The following NALF1 variants were observed in gnomAD, a reference collection of about 807,000 sequenced individuals.
NALF1 encodes family with sequence similarity 155 member A.
Under a neutral mutation model 48.4 loss-of-function variants are expected in NALF1, and 3 were observed. The ratio of observed to expected loss-of-function variants is 0.06; its 90% CI spans 0.03 to 0.16. The LOEUF is 0.16. Ranked by LOEUF, NALF1 falls within the 10% of genes least tolerant of loss-of-function variation. NALF1 has a pLI of 1.00. For synonymous variants in NALF1, 262 were observed against 245.7 expected, an observed-to-expected ratio of 1.07 and a Z score of -0.62; for missense variants, 526 against 571.5, an observed-to-expected ratio of 0.92 and a Z score of 0.81.
At chr13:107,854,524 A>G (rs1880395049) in intron 1 of NALF1, among the ~76,000 whole-genome samples, 1 of 152,248 alleles carries the variant, frequency 6.6e-6, no homozygotes, top group South Asian at 2.1e-4. Flanking sequence ...CTCTGCAGCT[A>G]TCTAGGGTCA....
intron 1 of NALF1, among the ~76,000 whole-genome samples, chr13:107,647,719 A>G (rs928875479): frequency 2.0e-5 from 3 of 152,090 alleles, no homozygotes; most frequent in African/African-American, 4.8e-5. Context: ...AAAATGTAAA[A>G]AGGAATTACT....
Position 107,641,394 on chromosome 13 carries a change from A to G in NALF1, c.915+224288T>C, listed in dbSNP as rs1880151188. ...ATTTGTTGCTTATTTCAAAATAGCT[A>G]AAGGTTAAGAATTTGAATGTTCCCA... On this transcript the variant is annotated intron_variant, in intron 1 of 2. Coordinates refer to ENST00000375915, the MANE Select transcript of NALF1 (RefSeq NM_001080396.3). 2.6e-5 allele frequency among the ~76,000 whole-genome samples: 4 copies of G among 152,204 alleles called. No homozygotes were observed. The South Asian group carries it at 6.2e-4, about 24-fold the overall frequency.
chr13:107,312,783 T>C (rs1882072926), intron 1 of NALF1, among the ~76,000 whole-genome samples: 1 of 152,148 alleles, frequency 6.6e-6, no homozygotes, highest in Admixed American at 6.6e-5. Flanking sequence ...TTAACTCAAG[T>C]TAATGGCCAC....
rs1224885161 is a variant in NALF1 at position 107,275,470 on chromosome 13, C to A, written c.916-64715G>T. Among the ~76,000 whole-genome samples the A allele has an allele frequency of 2.0e-5, 3 of 152,212 alleles. No homozygotes were observed. In the South Asian group the frequency reaches 6.2e-4, roughly 32 times the overall value. On this transcript the variant is annotated intron_variant, in intron 1 of 2. Transcript: ENST00000375915. ...TCAACCTTGAGAGCCTGTATGGACCCTCACCCAATTATTAGGTAATATATT... is the reference window on the plus strand; with the variant it reads ...TCAACCTTGAGAGCCTGTATGGACCATCACCCAATTATTAGGTAATATATT...
chr13:107,755,341 A>G (rs1877064097), intron 1 of NALF1, among the ~76,000 whole-genome samples: 1 of 151,898 alleles, frequency 6.6e-6, no homozygotes, highest in Admixed American at 6.6e-5. Flanking sequence ...TTTCTTCTTC[A>G]GGCCTCTTAA....
chr13:107,495,066 A>G (rs941553986), intron 1 of NALF1, among the ~76,000 whole-genome samples: 3 of 152,240 alleles, frequency 2.0e-5, no homozygotes, highest in Non-Finnish European at 2.9e-5. Context: ...AAATGGATAC[A>G]TCATCATATC....
intron 1 of NALF1, among the ~76,000 whole-genome samples, chr13:107,785,084 A>G (rs1878032929): frequency 6.6e-6 from 1 of 151,992 alleles, no homozygotes; most frequent in Non-Finnish European, 1.5e-5. Flanking sequence ...GTGTATGTAT[A>G]TATACACACA....
At chr13:107,610,200 A>C (rs1057487978) in intron 1 of NALF1, among the ~76,000 whole-genome samples, 1 of 152,212 alleles carries the variant, frequency 6.6e-6, no homozygotes, top group African/African-American at 2.4e-5. Flanking sequence ...GCACCTGGGC[A>C]GTATCTAATG....
intron 1 of NALF1, among the ~76,000 whole-genome samples, chr13:107,419,334 C>T (rs1223781740): frequency 2.6e-5 from 4 of 152,108 alleles, no homozygotes; most frequent in African/African-American, 9.7e-5. Context: ...GTTGGGTGTA[C>T]CATATGTGCC....
chr13:107,619,842 G>A (rs1187113787), intron 1 of NALF1, among the ~76,000 whole-genome samples: 1 of 152,058 alleles, frequency 6.6e-6, no homozygotes, highest in African/African-American at 2.4e-5. Context: ...CATATGATAC[G>A]ATTTAGCCAA....
chr13:107,270,624 A>G (rs192282038), intron 1 of NALF1, among the ~76,000 whole-genome samples: 183 of 149,660 alleles, frequency 1.2e-3, no homozygotes, highest in Middle Eastern at 7.2e-3. Context: ...GGATAAAAAT[A>G]AGGAAAACTG....
chr13:107,378,177 T>G (rs1883372224), intron 1 of NALF1, among the ~76,000 whole-genome samples: 2 of 152,148 alleles, frequency 1.3e-5, no homozygotes, highest in South Asian at 4.1e-4. Flanking sequence ...TATTTTACAT[T>G]CTGTATGATG....
At chr13:107,674,399 G>A (rs3909011) in intron 1 of NALF1, among the ~76,000 whole-genome samples, 36,733 of 152,030 alleles carry the variant, frequency 0.24, 4,974 homozygotes, top group Non-Finnish European at 0.3. Flanking sequence ...CTTAGCCCTC[G>A]CTGGATCACT....
intron 1 of NALF1, among the ~76,000 whole-genome samples, chr13:107,305,377 C>T (rs1881915014): frequency 6.6e-6 from 1 of 152,206 alleles, no homozygotes; most frequent in Non-Finnish European, 1.5e-5. Context: ...ATGCTGATTG[C>T]TTACGCAATA....
chr13:107,392,353 C>T (rs572537143), intron 1 of NALF1, among the ~76,000 whole-genome samples: 81 of 152,128 alleles, frequency 5.3e-4, no homozygotes, highest in Non-Finnish European at 9.8e-4. Flanking sequence ...TCCCAGGAAA[C>T]AGGAAGCTCC....
At chr13:107,500,834 C>T (rs1240539307) in intron 1 of NALF1, among the ~76,000 whole-genome samples, 2 of 151,874 alleles carry the variant, frequency 1.3e-5, no homozygotes, top group African/African-American at 4.8e-5. Context: ...AATCATCATT[C>T]TCAGCAAACT....
At chr13:107,294,174 T>C (rs1409936220) in intron 1 of NALF1, among the ~76,000 whole-genome samples, 2 of 152,098 alleles carry the variant, frequency 1.3e-5, no homozygotes, top group Non-Finnish European at 2.9e-5. Flanking sequence ...TCAAGGAACA[T>C]AGGGAAAGGA....
At chr13:107,505,464 A>T (rs1875666086) in intron 1 of NALF1, among the ~76,000 whole-genome samples, 2 of 152,284 alleles carry the variant, frequency 1.3e-5, no homozygotes, top group South Asian at 4.1e-4. Flanking sequence ...ACAACACTGC[A>T]GTGGTCCTGG....
intron 2 of NALF1, among the ~76,000 whole-genome samples, chr13:107,204,733 G>A (rs973067857): frequency 1.3e-5 from 2 of 151,610 alleles, no homozygotes; most frequent in Non-Finnish European, 2.9e-5. Context: ...TTTTATTCTG[G>A]GCATACCATC....
Sources: gnomAD v4.1 joint callset for allele counts (sites outside exome capture counted in the v4.1 genomes callset) on GRCh38, gnomAD v4.1.1 for gene constraint, MANE v1.5 for transcripts, NCBI Gene and HGNC (gene_info 2026-07-23, HGNC 2026-07-21) for gene names.